The following RBM47 variants were observed in gnomAD, a reference collection of about 807,000 sequenced individuals.
The protein encoded by RBM47 is RNA-binding protein 47.
In RBM47, 21 loss-of-function variants were observed where a neutral mutation model predicts 47.1. The ratio of observed to expected loss-of-function variants is 0.45; its 90% confidence interval spans 0.32 to 0.64. RBM47 has a LOEUF of 0.64. Ranked by LOEUF, RBM47 falls within the 30% of genes least tolerant of loss-of-function variation. The probability of loss-of-function intolerance (pLI) is 0.05; values close to 1 mark genes in which losing one functional copy is unlikely to be tolerated. For missense variants in RBM47, 708 were observed against 870.9 expected (o/e 0.81, Z 2.35); for synonymous variants, 375 against 361.7 (o/e 1.04, Z -0.42).
chr4:40,430,415 A>G (rs892680100), intron 6 of RBM47, among the ~76,000 whole-genome samples: 4 of 152,226 alleles, frequency 2.6e-5, no homozygotes, highest in African/African-American at 9.6e-5. Context: ...AATTATTATC[A>G]GAATTCCACT....
intron 4 of RBM47, among the ~76,000 whole-genome samples, chr4:40,437,178 T>C (rs1712770549): frequency 1.5e-5 from 2 of 134,682 alleles, no homozygotes; most frequent in South Asian, 4.8e-4. Flanking sequence ...ATATAATACA[T>C]ATATATATAC....
chr4:40,539,739 C>CAAAAAAAAAAAAAAAAA (rs56005602), intron 2 of RBM47, among the ~76,000 whole-genome samples: 1 of 56,292 alleles, frequency 1.8e-5, no homozygotes, highest in African/African-American at 6.9e-5. Flanking sequence ...GACTCTGTCT[C>CAAAAAAAAAAAAAAAAA]AAAAAAAAAA....
intron 3 of RBM47, 86 bp from the exon 4 acceptor site, chr4:40,439,010 T>A: frequency 8.4e-7 from 1 of 1,185,162 alleles, no homozygotes; most frequent in Non-Finnish European, 1.1e-6. Context: ...AAGTATGCAT[T>A]AATAGGCCAC....
intron 2 of RBM47, among the ~76,000 whole-genome samples, chr4:40,479,621 T>C (rs991517757): frequency 2.1e-5 from 3 of 144,188 alleles, no homozygotes; most frequent in African/African-American, 7.4e-5. Flanking sequence ...TAAATAAATA[T>C]ATAAATATAA....
At chr4:40,523,728 A>AGTGGCATG (rs1396745525) in intron 2 of RBM47, among the ~76,000 whole-genome samples, 1 of 151,770 alleles carries the variant, frequency 6.6e-6, no homozygotes, top group Admixed American at 6.6e-5. Context: ...AGTCAGGCAT[A>AGTGGCATG]GTGGCATGCA....
intron 3 of RBM47, among the ~76,000 whole-genome samples, chr4:40,453,863 AAAT>A (rs1483126898): frequency 6.8e-6 from 1 of 147,818 alleles, no homozygotes; most frequent in African/African-American, 2.7e-5. Flanking sequence ...AAAAAGAAAG[AAAT>A]AATCTCTCCA....
chr4:40,617,048 G>T (rs948509087), intron 1 of RBM47, among the ~76,000 whole-genome samples: 2 of 151,412 alleles, frequency 1.3e-5, no homozygotes, highest in African/African-American at 2.4e-5. Context: ...GCTAATTTTT[G>T]TATTTTTAGT....
At chr4:40,543,656 T>G (rs977134811) in intron 2 of RBM47, 1 of 151,830 alleles carries the variant, frequency 6.6e-6, no homozygotes, top group African/African-American at 2.4e-5. Context: ...TAGCCAGGTG[T>G]GATGGTGCGT....
chr4:40,571,347 T>C (rs756257156), intron 1 of RBM47, among the ~76,000 whole-genome samples: 3 of 152,072 alleles, frequency 2.0e-5, no homozygotes, highest in Non-Finnish European at 4.4e-5. Context: ...AGGTGTATCA[T>C]ACCAGTAGAG....
chr4:40,606,753 T>G (rs1237540360), intron 1 of RBM47, among the ~76,000 whole-genome samples: 1 of 152,174 alleles, frequency 6.6e-6, no homozygotes, highest in African/African-American at 2.4e-5. Flanking sequence ...ACTTGAAATG[T>G]GCATGGCATT....
At chr4:40,469,208 T>C (rs1021705694) in intron 2 of RBM47, among the ~76,000 whole-genome samples, 4 of 152,200 alleles carry the variant, frequency 2.6e-5, no homozygotes, top group Non-Finnish European at 4.4e-5. Context: ...GTAATGAACA[T>C]GTAAACTCTA....
chr4:40,484,254 A>T (rs1392632512), intron 2 of RBM47, among the ~76,000 whole-genome samples: 1 of 152,244 alleles, frequency 6.6e-6, no homozygotes, highest in African/African-American at 2.4e-5. Context: ...TATGTAACAC[A>T]TGTATGTTAA....
chr4:40,616,874 C>CTTTTTTTTTTTTTTTTTT lies in RBM47; in HGVS notation c.-240+12504_-240+12521dup, dbSNP rs1300005872. ...ACTGTTTCATCTTATATTTTCTTTT[C>CTTTTTTTTTTTTTTTTTT]TTTTTTTTTTTTTTTTTTTGAGACA... On this transcript the variant is annotated intron_variant, in intron 1 of 6. Transcript: ENST00000295971. Among the ~76,000 whole-genome samples the CTTTTTTTTTTTTTTTTTT allele has an allele frequency of 2.0e-4, 22 of 111,654 alleles. 1 individual carries two copies. The highest frequency in any genetic ancestry group is 2.2e-4 in the Non-Finnish European group (13 of 58,026). The allele number at this position is 111,654 out of a possible 152,430, so 73.2% of individuals were successfully genotyped here. A position where few individuals can be genotyped will look rare whatever the true frequency, so the allele number is the denominator to read the frequency against.
In RBM47 at chr4:40,496,095, A is replaced by C. The variant is rs73145575; in HGVS notation, c.-154-29396T>G. Among the ~76,000 whole-genome samples the C allele has an allele frequency of 8.9e-3, 1,357 of 152,272 alleles. 28 individuals are homozygous for C. The highest frequency in any genetic ancestry group is 0.031 in the African/African-American group (1,268 of 41,556). On this transcript the variant is annotated intron_variant, in intron 2 of 6. Coordinates refer to ENST00000295971, the MANE Select transcript of RBM47 (RefSeq NM_001098634.2). ...CCTTCTCCTGCTTTCCTCTGAGAAAAAAGGCAGAGAGAAGAAACAAGAGTA... is the reference window on the plus strand; with the variant it reads ...CCTTCTCCTGCTTTCCTCTGAGAAACAAGGCAGAGAGAAGAAACAAGAGTA...
At chr4:40,520,640 C>G (rs537312047) in intron 2 of RBM47, among the ~76,000 whole-genome samples, 2 of 152,356 alleles carry the variant, frequency 1.3e-5, no homozygotes, top group South Asian at 2.1e-4. Context: ...CTTCCGGAAT[C>G]TTCCAAAGGT....
intron 2 of RBM47, among the ~76,000 whole-genome samples, chr4:40,496,003 G>A (rs1421136654): frequency 6.6e-6 from 1 of 152,182 alleles, no homozygotes; most frequent in Non-Finnish European, 1.5e-5. Context: ...AGTGTTAACT[G>A]AGATGGCTCA....
intron 2 of RBM47, among the ~76,000 whole-genome samples, chr4:40,513,381 C>G (rs979820650): frequency 4.6e-5 from 7 of 152,168 alleles, no homozygotes; most frequent in African/African-American, 7.2e-5. Flanking sequence ...ACACTTTTCC[C>G]CAAGAACTGG....
At chr4:40,532,400 C>G (rs1727490447) in intron 2 of RBM47, among the ~76,000 whole-genome samples, 1 of 149,522 alleles carries the variant, frequency 6.7e-6, no homozygotes, top group Non-Finnish European at 1.5e-5. Context: ...ACAACCTCCA[C>G]CTCCTGGGTT....
intron 2 of RBM47, among the ~76,000 whole-genome samples, chr4:40,507,481 G>T (rs1724268742): frequency 6.6e-6 from 1 of 152,100 alleles, no homozygotes; most frequent in Admixed American, 6.6e-5. Flanking sequence ...GTATTCATAA[G>T]CAAAAATTTA....
Sources: allele counts gnomAD v4.1 joint callset (sites outside exome capture counted in the v4.1 genomes callset), GRCh38; gene constraint gnomAD v4.1.1; transcripts MANE v1.5; gene names NCBI Gene and HGNC (gene_info 2026-07-23, HGNC 2026-07-21).